The following FAF1 variants were observed in gnomAD, a reference collection of about 807,000 sequenced individuals.
The protein encoded by FAF1 is FAS-associated factor 1.
Under a neutral mutation model 92.5 loss-of-function variants are expected in FAF1, and 25 were observed. The observed-to-expected ratio is 0.27, with a 90% CI of 0.20 to 0.38. The LOEUF is 0.38. Ranked by LOEUF, FAF1 falls within the 10% of genes least tolerant of loss-of-function variation. The pLI, the probability that FAF1 is intolerant of heterozygous loss-of-function variation, is 1.00. For synonymous variants in FAF1, 234 were observed against 273.2 expected (o/e 0.86, Z 1.42); for missense variants, 636 against 793.3 (o/e 0.80, Z 2.38).
At chr1:50,577,385 C>T (rs1650800366) in intron 12 of FAF1, among the ~76,000 whole-genome samples, 2 of 152,178 alleles carry the variant, frequency 1.3e-5, no homozygotes, top group East Asian at 1.9e-4. Flanking sequence ...ATTAGCAGGG[C>T]GTGGTGGCAC....
intron 13 of FAF1, among the ~76,000 whole-genome samples, chr1:50,558,700 A>C (rs1649717656): frequency 6.6e-6 from 1 of 152,226 alleles, no homozygotes. Context: ...TTAGCTTCTA[A>C]CAACAGTTTT....
intron 1 of FAF1, among the ~76,000 whole-genome samples, chr1:50,942,021 G>C (rs894430176): frequency 2.6e-5 from 4 of 151,968 alleles, no homozygotes; most frequent in Non-Finnish European, 5.9e-5. Context: ...CTTTGTAGTC[G>C]AACAAATCTG....
intron 17 of FAF1, among the ~76,000 whole-genome samples, chr1:50,489,378 T>C (rs1041384392): frequency 2.6e-5 from 4 of 152,234 alleles, no homozygotes. Context: ...CCATTGCTTG[T>C]TAGATGGCTT....
intron 1 of FAF1, among the ~76,000 whole-genome samples, chr1:50,917,362 T>G (rs1307922617): frequency 2.0e-5 from 3 of 152,126 alleles, no homozygotes; most frequent in African/African-American, 7.2e-5. Flanking sequence ...TGCTAGGGAC[T>G]TTTTAATTCC....
chr1:50,512,006 C>G (rs113834846), intron 15 of FAF1, among the ~76,000 whole-genome samples: 9,959 of 152,222 alleles, frequency 0.065, 404 homozygotes, highest in East Asian at 0.092. Flanking sequence ...TGATGACGAG[C>G]TTTTTTTCAT....
At chr1:50,692,644 T>C (rs183321253) in intron 7 of FAF1, among the ~76,000 whole-genome samples, 4 of 152,346 alleles carry the variant, frequency 2.6e-5, no homozygotes, top group Non-Finnish European at 5.9e-5. Flanking sequence ...TTCTGTTGTA[T>C]ATATTCATAT....
Position 50,864,112 on chromosome 1 carries a change from T to A in FAF1, c.46-6115A>T, listed in dbSNP as rs1644460086. Among the ~76,000 whole-genome samples the A allele has an allele frequency of 3.3e-5, 5 of 151,570 alleles. No individual in the cohort carries two copies. The South Asian group carries it at 1.0e-3, about 32-fold the overall frequency. Reference sequence around the variant, plus strand: ...TCTCTCTTTTCTTCTTTATTAGTCTTGCTAGCGGTCTATCAATTTTGTTGA... The same window carrying A: ...TCTCTCTTTTCTTCTTTATTAGTCTAGCTAGCGGTCTATCAATTTTGTTGA... On this transcript the variant is annotated intron_variant, in intron 1 of 18. Coordinates refer to ENST00000396153, the MANE Select transcript of FAF1 (RefSeq NM_007051.3).
chr1:50,587,876 G>A (rs923096438), intron 9 of FAF1, among the ~76,000 whole-genome samples: 4 of 152,148 alleles, frequency 2.6e-5, no homozygotes, highest in Non-Finnish European at 4.4e-5. Context: ...TAACTAAACC[G>A]TTTAAGGTAA....
At position 50,788,004 on chromosome 1, in the gene FAF1, A is replaced by C. The variant is rs759343983; in HGVS notation, c.363T>G (p.Thr121=). 1.2e-6 allele frequency: 2 copies of C among 1,612,270 alleles called. No homozygotes were observed. The highest frequency in any genetic ancestry group is 1.7e-6 in the Non-Finnish European group (2 of 1,178,294). Residue 121 remains threonine (T), a synonymous_variant, in exon 4 of 19, where the codon ACT becomes ACG. Coordinates refer to ENST00000396153, the MANE Select transcript of FAF1 (RefSeq NM_007051.3). ...NVDVVLEDTC[T]VGEIKQILEN... ...TTATGGCAGGAAAAACCTTACCAAC[A>C]GTACAGGTGTCTTCAAGTACCACAT... is the stretch of plus-strand genomic sequence containing the variant.
At chr1:50,597,316 CTTTCTAAG>C (rs772881398) in intron 8 of FAF1, among the ~76,000 whole-genome samples, 1 of 151,968 alleles carries the variant, frequency 6.6e-6, no homozygotes, top group Non-Finnish European at 1.5e-5. Context: ...ATTCTGGGGT[CTTTCTAAG>C]TTAGCCTGTT....
chr1:50,664,656 TGGTGGC>T (rs966318431), intron 7 of FAF1, among the ~76,000 whole-genome samples: 1 of 152,072 alleles, frequency 6.6e-6, no homozygotes, highest in African/African-American at 2.4e-5. Context: ...TAGCCAGGCA[TGGTGGC>T]GGGCGCCTGT....
chr1:50,460,219 C>T (rs952067886), intron 18 of FAF1, among the ~76,000 whole-genome samples: 14 of 152,204 alleles, frequency 9.2e-5, no homozygotes, highest in African/African-American at 3.4e-4. Flanking sequence ...GTATGCAATT[C>T]CCCAAACATA....
At chr1:50,684,504 G>A (rs1174549088) in intron 7 of FAF1, among the ~76,000 whole-genome samples, 3 of 152,070 alleles carry the variant, frequency 2.0e-5, no homozygotes, top group East Asian at 3.9e-4. Flanking sequence ...ACTTGAAGAA[G>A]CTCATACTCT....
At chr1:50,957,143 T>C (rs1396851142) in intron 1 of FAF1, among the ~76,000 whole-genome samples, 12 of 152,142 alleles carry the variant, frequency 7.9e-5, no homozygotes, top group Admixed American at 7.2e-4. Flanking sequence ...TTAAGGTGTG[T>C]AGTTTTCCAA....
chr1:50,760,885 T>C (rs1272384321), intron 4 of FAF1, among the ~76,000 whole-genome samples: 2 of 151,898 alleles, frequency 1.3e-5, no homozygotes, highest in East Asian at 3.9e-4. Context: ...TTCAAAAAAT[T>C]AATGAATCCA....
At chr1:50,802,316 C>G (rs1344287659) in intron 2 of FAF1, among the ~76,000 whole-genome samples, 1 of 152,104 alleles carries the variant, frequency 6.6e-6, no homozygotes, top group Non-Finnish European at 1.5e-5. Flanking sequence ...TCTCGAACTC[C>G]CAACCTCAGG....
chr1:50,558,460 C>T (rs896284573), intron 13 of FAF1, among the ~76,000 whole-genome samples: 3 of 152,088 alleles, frequency 2.0e-5, no homozygotes, highest in African/African-American at 7.2e-5. Flanking sequence ...TTGGAATTAA[C>T]CTCAAACTTC....
chr1:50,478,241 G>A (rs1444069934), intron 17 of FAF1, among the ~76,000 whole-genome samples: 1 of 149,682 alleles, frequency 6.7e-6, no homozygotes, highest in Non-Finnish European at 1.5e-5. Context: ...TCGGCTCTCT[G>A]CAACCTCCGT....
intron 1 of FAF1, among the ~76,000 whole-genome samples, chr1:50,900,391 G>T (rs1217813798): frequency 6.6e-6 from 1 of 151,852 alleles, no homozygotes. Flanking sequence ...GTTTTTTGTT[G>T]CAATGGTGAT....
Sources: allele counts gnomAD v4.1 joint callset (sites outside exome capture counted in the v4.1 genomes callset), GRCh38; gene constraint gnomAD v4.1.1; transcripts MANE v1.5; gene names NCBI Gene and HGNC (gene_info 2026-07-23, HGNC 2026-07-21).